Variants in AARS1 observed in about 807,000 individuals in gnomAD.
The protein encoded by AARS1 is alanyl-tRNA synthetase 1.
AARS1 carries 72 observed loss-of-function variants against 108.9 expected under a neutral mutation model. The ratio of observed to expected loss-of-function variants is 0.66; its 90% confidence interval spans 0.55 to 0.80. The LOEUF (loss-of-function observed/expected upper bound fraction) is 0.80. Among genes scored for constraint, AARS1 ranks in the 30% least tolerant of loss-of-function variants. The probability of loss-of-function intolerance (pLI) is 0.00; values close to 1 mark genes in which losing one functional copy is unlikely to be tolerated. For synonymous variants in AARS1, 489 were observed against 465.7 expected, an observed-to-expected ratio of 1.05 and a Z score of -0.64; for missense variants, 1,193 against 1,233.2, an observed-to-expected ratio of 0.97 and a Z score of 0.49.
rs766217662 is a variant in AARS1, at chr16:70,265,115, G to A, written c.1348-13C>T. 4 of 1,613,526 alleles carry A rather than the reference G, an allele frequency of 2.5e-6. No homozygotes were observed. Among genetic ancestry groups the A allele is most frequent in the African/African-American group, 1.3e-5 (1 of 75,034 alleles). ...CCTGTGATTTCAGCTGTCAGCAAGA[G>A]AAACAAGCATAAGTTACCGTAAAGT... On this transcript the variant is annotated splice_polypyrimidine_tract_variant and intron_variant, in intron 10 of 20. Coordinates refer to ENST00000261772, the MANE Select transcript of AARS1 (RefSeq NM_001605.3).
Position 70,252,314 on chromosome 16 carries a change from T to C in AARS1, c.*407A>G, listed in dbSNP as rs1959859556. ...AGCAGCCAGCAGGAGCCACAGCATT[T>C]ATTCTACAGACGCCAAAGGCTGTCA... On this transcript the variant is annotated 3_prime_UTR_variant, in exon 21 of 21. Coordinates refer to ENST00000261772, the MANE Select transcript of AARS1 (RefSeq NM_001605.3). 1 of 327,760 alleles carries C rather than the reference T, an allele frequency of 3.1e-6. No individual in the cohort carries two copies. The highest frequency in any genetic ancestry group is 5.7e-6 in the Non-Finnish European group (1 of 175,964). 20.3% of individuals were successfully genotyped at this position (327,760 alleles called of 1,614,324 possible). A position where few individuals can be genotyped will look rare whatever the true frequency, so the allele number is the denominator to read the frequency against.
At chr16:70,255,341 A>T (rs1047815046) in intron 16 of AARS1, among the ~76,000 whole-genome samples, 1 of 151,780 alleles carries the variant, frequency 6.6e-6, no homozygotes, top group African/African-American at 2.4e-5. Context: ...CTGGGATTAC[A>T]GACGCGCGCC....
intron 13 of AARS1, among the ~76,000 whole-genome samples, chr16:70,260,777 C>G (rs1960113348): frequency 1.3e-5 from 2 of 152,102 alleles, no homozygotes; most frequent in African/African-American, 4.8e-5. Context: ...ATTCTCCTGC[C>G]TCAGCCTCCC....
intron 17 of AARS1, chr16:70,254,322 C>G: frequency 1.7e-6 from 1 of 585,134 alleles, no homozygotes; most frequent in Non-Finnish European, 3.0e-6. Context: ...CAAATAAATA[C>G]CAGGCAGGCT....
At chr16:70,283,644 C>G (rs963469321) in intron 1 of AARS1, among the ~76,000 whole-genome samples, 3 of 152,172 alleles carry the variant, frequency 2.0e-5, no homozygotes, top group Non-Finnish European at 2.9e-5. Context: ...AAGTCAGGGT[C>G]TCTAGGTTTG....
At chr16:70,285,706 C>T (rs1341752482) in intron 1 of AARS1, among the ~76,000 whole-genome samples, 1 of 152,174 alleles carries the variant, frequency 6.6e-6, no homozygotes, top group Non-Finnish European at 1.5e-5. Flanking sequence ...GCCTCAGCCT[C>T]CCAAAGTGCT....
chr16:70,286,631 A>C (rs1490378019), intron 1 of AARS1, among the ~76,000 whole-genome samples: 1 of 150,708 alleles, frequency 6.6e-6, no homozygotes, highest in African/African-American at 2.4e-5. Context: ...AGGTCAGGAG[A>C]TCAAGACCAT....
At chr16:70,263,768 C>T (rs549257440) in intron 11 of AARS1, among the ~76,000 whole-genome samples, 42 of 151,990 alleles carry the variant, frequency 2.8e-4, no homozygotes, top group African/African-American at 1.0e-3. Flanking sequence ...CCACAAATAG[C>T]TGGGACTACA....
At position 70,255,848 on chromosome 16, in the gene AARS1, AAC is replaced by A; in HGVS notation, c.2178-14_2178-13del. On this transcript the variant is annotated splice_polypyrimidine_tract_variant and intron_variant, in intron 15 of 20. Coordinates refer to ENST00000261772, the MANE Select transcript of AARS1 (RefSeq NM_001605.3). ...AGTTCCGCAGGTGCCTGAATGGCAGAACACAAAGTCCATAGTGAAAGAGGCCC... is the reference window on the plus strand; with the variant it reads ...AGTTCCGCAGGTGCCTGAATGGCAGAACAAAGTCCATAGTGAAAGAGGCCC... 6.2e-7 allele frequency: 1 copy of A among 1,610,062 alleles called. No homozygotes were observed. Among genetic ancestry groups the A allele is most frequent in the Non-Finnish European group, 8.5e-7 (1 of 1,178,092 alleles).
At chr16:70,253,214 T>G in intron 20 of AARS1, 54 bp downstream of exon 20, 1 of 1,456,190 alleles carries the variant, frequency 6.9e-7, no homozygotes, top group South Asian at 1.2e-5. Context: ...CACACAGGCC[T>G]CAGCCAACAA....
chr16:70,271,747 C>A, intron 5 of AARS1, 34 bp downstream of exon 5: 1 of 1,609,168 alleles, frequency 6.2e-7, no homozygotes, highest in South Asian at 1.1e-5. Flanking sequence ...CTGCTCAGCT[C>A]AAGGAAAGGA....
chr16:70,255,971 C>G, intron 15 of AARS1, 135 bp from the exon 16 acceptor site: 1 of 771,974 alleles, frequency 1.3e-6, no homozygotes, highest in South Asian at 1.5e-5. Context: ...ATTCTGACAC[C>G]AAGCGGGACA....
chr16:70,279,670 C>CAAAAAAAAAAAAAAA (rs367753826), intron 2 of AARS1, among the ~76,000 whole-genome samples: 4 of 114,566 alleles, frequency 3.5e-5, no homozygotes, highest in Non-Finnish European at 5.3e-5. Flanking sequence ...CAAAAAAAAA[C>CAAAAAAAAAAAAAAA]AAAAAAAAAA....
chr16:70,285,643 TTCACCATGTTCC>T (rs1430059419), intron 1 of AARS1, among the ~76,000 whole-genome samples: 1 of 152,064 alleles, frequency 6.6e-6, no homozygotes, highest in African/African-American at 2.4e-5. Flanking sequence ...GAGACAGGGT[TTCACCATGTTCC>T]TCAGCCTGGT....
In AARS1 at chr16:70,252,913, G is replaced by C; in HGVS notation, c.2722-7C>G. ...AGCCCCGATTGGCTGCATTCTAGAA[G>C]ACAGGAAGGGAAGGGGGAGTCAGCA... is the stretch of plus-strand genomic sequence containing the variant. On this transcript the variant is annotated splice_polypyrimidine_tract_variant and splice_region_variant and intron_variant, in intron 20 of 20. Coordinates refer to ENST00000261772, the MANE Select transcript of AARS1 (RefSeq NM_001605.3). The C allele has an allele frequency of 6.2e-7, 1 of 1,614,048 alleles. No homozygotes were observed. Among genetic ancestry groups the C allele is most frequent in the Non-Finnish European group, 8.5e-7 (1 of 1,179,984 alleles).
In AARS1 at chr16:70,253,741, C is replaced by T. The variant is rs145581652; in HGVS notation, c.2580G>A (p.Leu860=). The change falls in exon 19 of 21, where the codon CTG becomes CTA. Residue 860 remains leucine, a synonymous_variant. Coordinates refer to ENST00000261772, the MANE Select transcript of AARS1 (RefSeq NM_001605.3). ...TGGCTGAGGCGCCGCTCTCCATCTC[C>T]AGGATGACAAGAGGCTGGTTGGGGT... is the stretch of plus-strand genomic sequence containing the variant. ...DSNPNQPLVI[L]EMESGASAKA... 5.1e-4 allele frequency: 830 copies of T among 1,614,142 alleles called. No homozygotes were observed. Among genetic ancestry groups the T allele is most frequent in the Middle Eastern group, 2.0e-3 (12 of 6,056 alleles).
chr16:70,287,376 C>T (rs1960874435), intron 1 of AARS1, among the ~76,000 whole-genome samples: 1 of 131,970 alleles, frequency 7.6e-6, no homozygotes, highest in East Asian at 2.0e-4. Flanking sequence ...TGCAGCGAGC[C>T]GAGATCATGC....
chr16:70,268,510 C>T (rs943635157), intron 7 of AARS1, 131 bp from the exon 8 acceptor site: 2 of 698,246 alleles, frequency 2.9e-6, no homozygotes, highest in African/African-American at 3.6e-5. Context: ...TTTCGCATTC[C>T]CCAAGGTCAT....
Position 70,252,670 on chromosome 16 carries a change from A to C in AARS1, c.*51T>G. On this transcript the variant is annotated 3_prime_UTR_variant, in exon 21 of 21. Transcript: ENST00000261772. ...ATTCAAATGTTCTTGTAGCAGATGA[A>C]GAGCTCTTGGCTGGACGGATGGATC... is the stretch of plus-strand genomic sequence containing the variant. The C allele has an allele frequency of 2.5e-6, 4 of 1,593,990 alleles. No homozygotes were observed. Among genetic ancestry groups the C allele is most frequent in the Non-Finnish European group, 1.7e-6 (2 of 1,163,612 alleles).
Sources: gnomAD v4.1 joint callset for allele counts (sites outside exome capture counted in the v4.1 genomes callset) on GRCh38, gnomAD v4.1.1 for gene constraint, MANE v1.5 for transcripts, NCBI Gene and HGNC (gene_info 2026-07-23, HGNC 2026-07-21) for gene names.